CFAP20DC: variants seen among roughly 807,000 people sequenced by gnomAD.
CFAP20DC encodes CFAP20 domain containing.
CFAP20DC carries 84 observed loss-of-function variants against 101.7 expected under a neutral mutation model. The observed-to-expected ratio is 0.83, with a 90% CI of 0.69 to 0.99. The LOEUF is 0.99. Ranked by LOEUF, CFAP20DC falls within the 50% of genes least tolerant of loss-of-function variation. CFAP20DC has a pLI of 0.00. For synonymous variants in CFAP20DC, 359 were observed against 351.2 expected, an observed-to-expected ratio of 1.02 and a Z score of -0.25; for missense variants, 1,007 against 970.3, an observed-to-expected ratio of 1.04 and a Z score of -0.50.
At chr3:58,975,066 A>G (rs1047125541) in intron 4 of CFAP20DC, among the ~76,000 whole-genome samples, 1 of 152,274 alleles carries the variant, frequency 6.6e-6, no homozygotes, top group African/African-American at 2.4e-5. Flanking sequence ...GAGATTAATC[A>G]GCATATGTGC....
intron 5 of CFAP20DC, among the ~76,000 whole-genome samples, chr3:58,930,101 T>C (rs1362848030): frequency 2.6e-5 from 4 of 152,212 alleles, no homozygotes; most frequent in Non-Finnish European, 5.9e-5. Flanking sequence ...ACTCTCCTTT[T>C]ACTCTGTAGT....
intron 6 of CFAP20DC, chr3:58,887,368 T>C (rs1167060815): frequency 6.6e-6 from 1 of 152,198 alleles, no homozygotes; most frequent in East Asian, 1.9e-4. Flanking sequence ...AAATGAAGGT[T>C]TTTTAAATTA....
At chr3:58,893,891 G>T (rs1009082572) in intron 6 of CFAP20DC, among the ~76,000 whole-genome samples, 1 of 152,086 alleles carries the variant, frequency 6.6e-6, no homozygotes, top group Non-Finnish European at 1.5e-5. Context: ...GGAGAACTCA[G>T]AGTTCCACGT....
Position 58,717,753 on chromosome 3 carries a change from C to T in CFAP20DC, c.198-125G>A, listed in dbSNP as rs901322997. The T allele has an allele frequency of 5.0e-5, 17 of 342,756 alleles. No homozygotes were observed. The highest frequency in any genetic ancestry group is 3.3e-4 in the African/African-American group (15 of 45,988). The allele number at this position is 342,756 out of a possible 1,614,324, so 21.2% of individuals were successfully genotyped here. A position where few individuals can be genotyped will look rare whatever the true frequency, so the allele number is the denominator to read the frequency against. On this transcript the variant is annotated intron_variant, in intron 3 of 3. Transcript: ENST00000486145. This position sits in a 1 kb window ranked among gnomAD's most constrained non-coding sequence, Gnocchi z 4.1. ...TTTTCTGGAAGTCTCATCCTGAATA[C>T]TTTGGCTGGCAACTTATTAGCTAGA...
At chr3:58,772,070 C>T (rs990813113) in intron 15 of CFAP20DC, among the ~76,000 whole-genome samples, 5 of 152,132 alleles carry the variant, frequency 3.3e-5, no homozygotes, top group African/African-American at 1.2e-4. Context: ...GTCTTTCCTC[C>T]CCTTCACAAT....
intron 4 of CFAP20DC, among the ~76,000 whole-genome samples, chr3:58,969,686 A>G (rs1274309186): frequency 6.6e-6 from 1 of 152,208 alleles, no homozygotes; most frequent in Non-Finnish European, 1.5e-5. Context: ...TCATAGCAAT[A>G]GAATGGAAAC....
rs1338159470 is a variant in CFAP20DC, at chr3:58,912,327, A to T, written c.550+1381T>A. On this transcript the variant is annotated intron_variant, in intron 6 of 16. Transcript: ENST00000482387. This position sits in a 1 kb window ranked among gnomAD's most constrained non-coding sequence, Gnocchi z 4.4. ...GCTTCTTATTAGCTGGGTGCCATTT[A>T]AAAAAATGAAATCTTTCACTTTCTC... 6.7e-6 allele frequency among the ~76,000 whole-genome samples: 1 copy of T among 149,302 alleles called. No individual in the cohort carries two copies. Among genetic ancestry groups the T allele is most frequent in the Non-Finnish European group, 1.5e-5 (1 of 67,978 alleles).
chr3:58,900,298 C>T (rs925236501), intron 6 of CFAP20DC, among the ~76,000 whole-genome samples: 1 of 152,190 alleles, frequency 6.6e-6, no homozygotes, highest in South Asian at 2.1e-4. Flanking sequence ...AAGTAATCCC[C>T]TTATGGACAG....
intron 15 of CFAP20DC, among the ~76,000 whole-genome samples, chr3:58,780,263 A>G (rs924775828): frequency 3.3e-5 from 5 of 152,158 alleles, no homozygotes; most frequent in South Asian, 2.1e-4. Flanking sequence ...ATTGTCATGA[A>G]AACACACAAA....
intron 4 of CFAP20DC, among the ~76,000 whole-genome samples, chr3:59,026,023 C>T (rs2093886115): frequency 6.6e-6 from 1 of 152,022 alleles, no homozygotes; most frequent in Non-Finnish European, 1.5e-5. Context: ...TTATCAAAAA[C>T]TTCCACATAA....
intron 15 of CFAP20DC, chr3:58,794,237 TCCCATGCC>T: frequency 2.5e-6 from 1 of 397,924 alleles, no homozygotes; most frequent in Non-Finnish European, 5.1e-6. Context: ...AGTTTTTTTT[TCCCATGCC>T]TACACCAAAC....
chr3:58,723,447 A>G (rs999209837), intron 3 of CFAP20DC, among the ~76,000 whole-genome samples: 1 of 152,254 alleles, frequency 6.6e-6, no homozygotes, highest in African/African-American at 2.4e-5. Context: ...GAAAGAACAC[A>G]TAAGATGGTA....
rs1275708639 is a variant in CFAP20DC, at chr3:58,912,744, T to C, written c.550+964A>G. ...ATGAATTCCAGGGAGCTGAGTTACCTGCAGAGTATATTTATAAATCAAATT... is the reference window on the plus strand; with the variant it reads ...ATGAATTCCAGGGAGCTGAGTTACCCGCAGAGTATATTTATAAATCAAATT... On this transcript the variant is annotated intron_variant, in intron 6 of 16. Transcript: ENST00000482387. The surrounding 1 kb of genome is among the most constrained non-coding windows in gnomAD (Gnocchi z 4.4). 1 of 456,274 alleles carries C rather than the reference T, an allele frequency of 2.2e-6. No homozygotes were observed. Among genetic ancestry groups the C allele is most frequent in the African/African-American group, 2.0e-5 (1 of 50,036 alleles). The allele number at this position is 456,274 out of a possible 1,614,324, so 28.3% of individuals were successfully genotyped here.
chr3:58,822,184 T>C (rs975585140), intron 14 of CFAP20DC, among the ~76,000 whole-genome samples: 4 of 145,186 alleles, frequency 2.8e-5, no homozygotes, highest in Admixed American at 6.9e-5. Context: ...TTGGGAGATA[T>C]ACCTAATGCT....
At chr3:59,042,669 A>G (rs1699503281) in intron 3 of CFAP20DC, among the ~76,000 whole-genome samples, 1 of 152,108 alleles carries the variant, frequency 6.6e-6, no homozygotes, top group South Asian at 2.1e-4. Flanking sequence ...GAGGAGTAAC[A>G]TTACTTATGT....
chr3:58,979,280 C>T (rs1232316083), intron 4 of CFAP20DC, among the ~76,000 whole-genome samples: 1 of 152,170 alleles, frequency 6.6e-6, no homozygotes, highest in Non-Finnish European at 1.5e-5. Context: ...GTTAGGGCTC[C>T]CTCTTCTCAA....
At position 58,758,758 on chromosome 3, in the gene CFAP20DC, A is replaced by C. The variant is rs2069214295; in HGVS notation, c.2238-4895T>G. On this transcript the variant is annotated intron_variant, in intron 15 of 16. Transcript: ENST00000482387. Reference sequence around the variant, plus strand: ...TGTGTCCGTGTGTTCTCATTGTTCAATTCCCACCTATGAGGGAGAACATGC... The same window carrying C: ...TGTGTCCGTGTGTTCTCATTGTTCACTTCCCACCTATGAGGGAGAACATGC... Among the ~76,000 whole-genome samples, 3 of 151,906 alleles carry C rather than the reference A, an allele frequency of 2.0e-5. No individual in the cohort carries two copies. In the South Asian group the frequency reaches 6.3e-4, roughly 32 times the overall value.
intron 4 of CFAP20DC, among the ~76,000 whole-genome samples, chr3:59,009,441 A>G (rs2093527468): frequency 6.6e-6 from 1 of 152,070 alleles, no homozygotes; most frequent in Non-Finnish European, 1.5e-5. Context: ...GATATGAATG[A>G]AAAACTTTCC....
At chr3:58,997,895 T>A (rs1180980720) in intron 4 of CFAP20DC, among the ~76,000 whole-genome samples, 1 of 150,962 alleles carries the variant, frequency 6.6e-6, no homozygotes, top group Middle Eastern at 3.2e-3. Context: ...TATAGGGGGG[T>A]CCAGCAAAGA....
Sources: gnomAD v4.1 joint callset for allele counts (sites outside exome capture counted in the v4.1 genomes callset) on GRCh38, gnomAD v4.1.1 for gene constraint, Gnocchi (gnomAD v3.1) non-coding constraint, MANE v1.5 for transcripts, NCBI Gene and HGNC (gene_info 2026-07-23, HGNC 2026-07-21) for gene names.